SGK3: variants seen among roughly 807,000 people sequenced by gnomAD.
The protein encoded by SGK3 is serum/glucocorticoid regulated kinase family member 3, also known as serine/threonine-protein kinase Sgk3.
A neutral mutation model predicts 68.5 loss-of-function variants in SGK3; 47 were observed. That is an observed-to-expected ratio of 0.69 (90% CI 0.54 to 0.87). The LOEUF (loss-of-function observed/expected upper bound fraction) is 0.87, where lower values mean the gene tolerates loss of function less well. Ranked by LOEUF, SGK3 falls within the 40% of genes least tolerant of loss-of-function variation. The pLI is 0.00. For missense variants in SGK3, 479 were observed against 575.5 expected (o/e 0.83, Z 1.72); for synonymous variants, 181 against 189.1 (o/e 0.96, Z 0.35).
chr8:66,857,795 GTGTA>G (rs1221006112), intron 16 of SGK3, among the ~76,000 whole-genome samples: 1,274 of 112,816 alleles, frequency 0.011, 16 homozygotes, highest in Admixed American at 0.017. Flanking sequence ...AAAAGTGTGT[GTGTA>G]TGTGTGTGTG....
At chr8:66,849,180 A>G (rs899966009) in intron 15 of SGK3, among the ~76,000 whole-genome samples, 7 of 152,068 alleles carry the variant, frequency 4.6e-5, no homozygotes, top group African/African-American at 1.7e-4. Flanking sequence ...CATCTCACAC[A>G]TTTATATCTT....
At chr8:66,765,270 A>G (rs920780830) in intron 1 of SGK3, among the ~76,000 whole-genome samples, 1 of 152,192 alleles carries the variant, frequency 6.6e-6, no homozygotes, top group East Asian at 1.9e-4. Flanking sequence ...GTGAATTGGT[A>G]TCTCATTGTG....
Position 66,836,085 on chromosome 8 carries a change from T to C in SGK3, c.741+11T>C, listed in dbSNP as rs1312402844. On this transcript the variant is annotated intron_variant, in intron 10 of 16. Coordinates refer to ENST00000521198, the MANE Select transcript of SGK3 (RefSeq NM_001033578.3). Reference sequence around the variant, plus strand: ...GTTAATGGAGGGGAGGTGAGTTTTATAATGAGTTTTCTAATGTTAATAGTT... The same window carrying C: ...GTTAATGGAGGGGAGGTGAGTTTTACAATGAGTTTTCTAATGTTAATAGTT... 2 of 1,605,774 alleles carry C rather than the reference T, an allele frequency of 1.2e-6. No individual in the cohort carries two copies. The highest frequency in any genetic ancestry group is 1.7e-6 in the Non-Finnish European group (2 of 1,177,378).
intron 5 of SGK3, among the ~76,000 whole-genome samples, chr8:66,820,917 G>C (rs2130665871): frequency 6.6e-6 from 1 of 152,162 alleles, no homozygotes; most frequent in East Asian, 1.9e-4. Context: ...TGTTGCCCAG[G>C]CTGGTATCTA....
chr8:66,791,865 G>A (rs546983454), intron 1 of SGK3, among the ~76,000 whole-genome samples: 8 of 152,202 alleles, frequency 5.3e-5, no homozygotes, highest in Non-Finnish European at 8.8e-5. Flanking sequence ...GTAGATTGCT[G>A]TGACAGGTGG....
At chr8:66,800,934 A>G (rs1008991005) in intron 3 of SGK3, among the ~76,000 whole-genome samples, 1 of 152,180 alleles carries the variant, frequency 6.6e-6, no homozygotes, top group Non-Finnish European at 1.5e-5. Context: ...GCAATGAGCC[A>G]TGACCATGCC....
intron 5 of SGK3, among the ~76,000 whole-genome samples, chr8:66,815,475 T>A (rs1161626013): frequency 1.3e-5 from 2 of 152,242 alleles, no homozygotes; most frequent in Admixed American, 6.5e-5. Flanking sequence ...TTTGGCTCTT[T>A]GTTTTTATTT....
At chr8:66,818,336 T>C (rs1350342173) in intron 5 of SGK3, among the ~76,000 whole-genome samples, 1 of 152,106 alleles carries the variant, frequency 6.6e-6, no homozygotes. Context: ...GACACAGAAA[T>C]GGCTTACTGT....
chr8:66,856,187 C>A (rs937593233), intron 16 of SGK3, among the ~76,000 whole-genome samples: 3 of 152,008 alleles, frequency 2.0e-5, no homozygotes, highest in Non-Finnish European at 4.4e-5. Flanking sequence ...CCTGCCTTAG[C>A]CTCCCAAGTA....
At chr8:66,754,951 C>T (rs1805928626) in intron 1 of SGK3, among the ~76,000 whole-genome samples, 1 of 152,178 alleles carries the variant, frequency 6.6e-6, no homozygotes, top group Admixed American at 6.5e-5. Context: ...AGAATACCTG[C>T]ATCAGCTGTT....
intron 6 of SGK3, among the ~76,000 whole-genome samples, chr8:66,826,004 T>C (rs2130681974): frequency 6.6e-6 from 1 of 152,020 alleles, no homozygotes; most frequent in Non-Finnish European, 1.5e-5. Context: ...AGATGGAATC[T>C]CTCTGTTGCC....
intron 15 of SGK3, among the ~76,000 whole-genome samples, chr8:66,848,563 C>G (rs907700821): frequency 6.6e-6 from 1 of 152,210 alleles, no homozygotes; most frequent in Non-Finnish European, 1.5e-5. Flanking sequence ...TATACACTTG[C>G]AGGATCCTGT....
chr8:66,837,024 A>G (rs1486001989), intron 10 of SGK3, among the ~76,000 whole-genome samples: 3 of 152,130 alleles, frequency 2.0e-5, no homozygotes, highest in South Asian at 4.1e-4. Flanking sequence ...ACTAACTTCC[A>G]TTGAGTATTA....
At chr8:66,721,204 G>C (rs186959244) in intron 1 of SGK3, among the ~76,000 whole-genome samples, 12 of 152,164 alleles carry the variant, frequency 7.9e-5, no homozygotes, top group African/African-American at 2.6e-4. Context: ...AGATAGCATC[G>C]GTCTGTGCTG....
chr8:66,805,848 A>G (rs577489847), intron 4 of SGK3, among the ~76,000 whole-genome samples: 18 of 152,332 alleles, frequency 1.2e-4, no homozygotes, highest in Middle Eastern at 6.8e-3. Flanking sequence ...TAAGAAAAGA[A>G]AGAGAGAGAT....
At chr8:66,717,228 CAAAAA>C (rs201545769) in intron 1 of SGK3, among the ~76,000 whole-genome samples, 2 of 109,972 alleles carry the variant, frequency 1.8e-5, no homozygotes, top group Non-Finnish European at 3.3e-5. Flanking sequence ...ACAAAAAAAA[CAAAAA>C]AAACAAAAAA....
rs374764386 is a variant in SGK3 at position 66,758,011 on chromosome 8, T to TACAC, written c.-121-35582_-121-35579dup. Reference sequence around the variant, plus strand: ...TATGTATATATATACACACACACACTACACACACACACACACACACACACA... The same window carrying TACAC: ...TATGTATATATATACACACACACACTACACACACACACACACACACACACACACA... On this transcript the variant is annotated intron_variant, in intron 1 of 16. Coordinates refer to ENST00000521198, the MANE Select transcript of SGK3 (RefSeq NM_001033578.3). 2.7e-3 allele frequency among the ~76,000 whole-genome samples: 358 copies of TACAC among 133,696 alleles called. 2 individuals are homozygous for TACAC. Among genetic ancestry groups the TACAC allele is most frequent in the African/African-American group, 4.0e-3 (142 of 35,112 alleles). 87.7% of individuals were successfully genotyped at this position (133,696 alleles called of 152,430 possible). A position where few individuals can be genotyped will look rare whatever the true frequency, so the allele number is the denominator to read the frequency against.
At chr8:66,759,188 T>C (rs1158368040) in intron 1 of SGK3, among the ~76,000 whole-genome samples, 3 of 145,874 alleles carry the variant, frequency 2.1e-5, no homozygotes, top group African/African-American at 5.1e-5. Context: ...TGGGTTCAAG[T>C]GATTCTCCTG....
At chr8:66,768,477 AAGGAT>A (rs1486424291) in intron 1 of SGK3, among the ~76,000 whole-genome samples, 1 of 151,404 alleles carries the variant, frequency 6.6e-6, no homozygotes, top group African/African-American at 2.4e-5. Flanking sequence ...TTTGATTTTG[AAGGAT>A]ATTTTTGGTA....
Sources: gnomAD v4.1 joint callset for allele counts (sites outside exome capture counted in the v4.1 genomes callset) on GRCh38, gnomAD v4.1.1 for gene constraint, MANE v1.5 for transcripts, NCBI Gene and HGNC (gene_info 2026-07-23, HGNC 2026-07-21) for gene names.